Variants in PDE4D observed in about 807,000 individuals in gnomAD.
PDE4D encodes phosphodiesterase 4D, also known as 3',5'-cyclic-AMP phosphodiesterase 4D.
In PDE4D, 24 loss-of-function variants were observed where a neutral mutation model predicts 87.4. The ratio of observed to expected loss-of-function variants is 0.27; its 90% CI spans 0.20 to 0.39. The LOEUF is 0.39. Among genes scored for constraint, PDE4D ranks in the 10% least tolerant of loss-of-function variants. PDE4D has a pLI of 1.00. For missense variants in PDE4D, 714 were observed against 1,041.0 expected (o/e 0.69, Z 4.32); for synonymous variants, 384 against 383.2 (o/e 1.00, Z -0.02).
intron 1 of PDE4D, among the ~76,000 whole-genome samples, chr5:59,859,341 G>A (rs7728346): frequency 0.093 from 14,118 of 152,134 alleles, 2,025 homozygotes; most frequent in African/African-American, 0.31. Context: ...CAGTGTAGGT[G>A]TATAGAGGGT....
chr5:59,174,486 T>A (rs1783512313), intron 5 of PDE4D: 1 of 152,596 alleles, frequency 6.6e-6, no homozygotes, highest in South Asian at 2.1e-4. Flanking sequence ...TAGAAGAATT[T>A]GTATTTTCCA....
chr5:60,431,918 C>T (rs1001298885), intron 1 of PDE4D, among the ~76,000 whole-genome samples: 1 of 152,332 alleles, frequency 6.6e-6, no homozygotes, highest in African/African-American at 2.4e-5. Context: ...CAAAAAAATA[C>T]GAAAACCTGT....
intron 1 of PDE4D, among the ~76,000 whole-genome samples, chr5:59,517,176 T>G (rs1811316879): frequency 6.6e-6 from 1 of 152,186 alleles, no homozygotes; most frequent in South Asian, 2.1e-4. Flanking sequence ...TACAAGGTCA[T>G]CTCATTTTAA....
chr5:60,507,328 GC>G (rs1166493712), intron 1 of PDE4D, among the ~76,000 whole-genome samples: 1 of 152,174 alleles, frequency 6.6e-6, no homozygotes, highest in Non-Finnish European at 1.5e-5. Flanking sequence ...ACCTGCCTCA[GC>G]CTTCCAAAGT....
At chr5:60,175,611 C>A (rs772702933) in intron 2 of PDE4D, among the ~76,000 whole-genome samples, 6 of 152,134 alleles carry the variant, frequency 3.9e-5, no homozygotes, top group Non-Finnish European at 7.4e-5. Context: ...CCCCCTTTAG[C>A]TTTGGGTCTT....
chr5:59,192,605 T>TC (rs1744595161), intron 3 of PDE4D, among the ~76,000 whole-genome samples: 2 of 152,214 alleles, frequency 1.3e-5, no homozygotes, highest in East Asian at 3.8e-4. Context: ...ATGTATGATA[T>TC]AGGCCTGATT....
intron 5 of PDE4D, among the ~76,000 whole-genome samples, chr5:59,048,666 T>G (rs1047091427): frequency 1.3e-5 from 2 of 152,202 alleles, no homozygotes; most frequent in Non-Finnish European, 2.9e-5. Flanking sequence ...CAGGGGTACA[T>G]GTTTTCTATT....
At chr5:59,006,349 G>A (rs1751607365) in intron 6 of PDE4D, among the ~76,000 whole-genome samples, 1 of 152,202 alleles carries the variant, frequency 6.6e-6, no homozygotes, top group Non-Finnish European at 1.5e-5. Context: ...AGGATTGCTT[G>A]AGGCCAGGAG....
intron 1 of PDE4D, among the ~76,000 whole-genome samples, chr5:60,316,496 G>C (rs144645340): frequency 6.6e-6 from 1 of 152,050 alleles, no homozygotes; most frequent in Non-Finnish European, 1.5e-5. Flanking sequence ...CTGCCTGATT[G>C]TCCTGGCCAG....
chr5:58,998,900 ATTGT>A (rs1749831220), intron 6 of PDE4D, among the ~76,000 whole-genome samples: 2 of 152,320 alleles, frequency 1.3e-5, no homozygotes, highest in African/African-American at 2.4e-5. Flanking sequence ...ATCTTATTGA[ATTGT>A]TTATTAATTC....
chr5:60,099,197 A>G lies in PDE4D; in HGVS notation c.42+86360T>C, dbSNP rs148135398. Among the ~76,000 whole-genome samples the G allele has an allele frequency of 2.2e-3, 334 of 151,920 alleles. 1 individual carries two copies. Among genetic ancestry groups the G allele is most frequent in the Non-Finnish European group, 3.0e-3 (201 of 67,868 alleles). On this transcript the variant is annotated intron_variant, in intron 2 of 16. Coordinates refer to the PDE4D transcript ENST00000502484. ...GCCTTTGTGAGTACCCTTCCATGTGATGAGTAGTTTTTCTCTTGCTGCTTT... is the reference window on the plus strand; with the variant it reads ...GCCTTTGTGAGTACCCTTCCATGTGGTGAGTAGTTTTTCTCTTGCTGCTTT...
chr5:59,816,173 T>C (rs1429608188), intron 1 of PDE4D, among the ~76,000 whole-genome samples: 1 of 152,212 alleles, frequency 6.6e-6, no homozygotes, highest in African/African-American at 2.4e-5. Context: ...TTAGGCATTG[T>C]CTTAGGTACT....
chr5:59,707,703 C>A (rs1753641011), intron 1 of PDE4D, among the ~76,000 whole-genome samples: 1 of 152,030 alleles, frequency 6.6e-6, no homozygotes, highest in Non-Finnish European at 1.5e-5. Context: ...GTGTGTTGTT[C>A]CCCTCCCTGT....
intron 1 of PDE4D, among the ~76,000 whole-genome samples, chr5:59,567,160 T>C (rs1023002762): frequency 2.6e-5 from 4 of 152,216 alleles, no homozygotes; most frequent in Non-Finnish European, 4.4e-5. Context: ...AAATCTATTC[T>C]TCAGTGTGTT....
rs376023271 is a variant in PDE4D at position 59,538,768 on chromosome 5, C to T, written c.456-322800G>A. Among the ~76,000 whole-genome samples the T allele has an allele frequency of 2.6e-4, 39 of 152,254 alleles. No homozygotes were observed. The South Asian group carries it at 3.9e-3, about 15-fold the overall frequency. On this transcript the variant is annotated intron_variant, in intron 1 of 14. Transcript: ENST00000340635. The stretch of plus-strand genomic sequence containing the variant: ...TGGATAGCAAGGCCTGTTATTTTCT[C>T]TTCCTTGTATTATTCTCAGCTTCAT...
Position 58,974,809 on chromosome 5 carries a change from C to T in PDE4D, c.2285G>A (p.Cys762Tyr). The T allele has an allele frequency of 6.2e-7, 1 of 1,613,640 alleles. No individual in the cohort carries two copies. The highest frequency in any genetic ancestry group is 1.3e-5 in the African/African-American group (1 of 74,996). The change falls in exon 15 of 15, where the codon TGC (cysteine) becomes TAC (tyrosine). Residue 762 changes from cysteine (C) to tyrosine (Y), a missense_variant. This residue lies in a region of PDE4D where 90 missense variants were observed against 95.3 expected (regional missense o/e 0.94). Coordinates refer to ENST00000340635, the MANE Select transcript of PDE4D (RefSeq NM_001104631.2). ...SGSQVEEDTS[C>Y]SDSKTLCTQD... The stretch of plus-strand genomic sequence containing the variant: ...AGTACAAAGAGTCTTGGAGTCACTG[C>T]AGCTAGTGTCTTCTTCCACTTGACT...
intron 1 of PDE4D, among the ~76,000 whole-genome samples, chr5:59,824,653 A>G (rs1770107323): frequency 6.6e-6 from 1 of 152,242 alleles, no homozygotes; most frequent in Non-Finnish European, 1.5e-5. Flanking sequence ...GTACTTATTT[A>G]ATAATGTAAG....
At chr5:59,907,888 C>G (rs774598476) in intron 3 of PDE4D, among the ~76,000 whole-genome samples, 5 of 151,900 alleles carry the variant, frequency 3.3e-5, no homozygotes, top group Non-Finnish European at 7.4e-5. Context: ...TTGTTCTCAG[C>G]CTTCTTTTGC....
chr5:59,798,599 G>A (rs908138422), intron 1 of PDE4D, among the ~76,000 whole-genome samples: 9 of 152,120 alleles, frequency 5.9e-5, no homozygotes, highest in African/African-American at 2.2e-4. Context: ...AAAAACCCAA[G>A]CAAACCTAGC....
Sources: gnomAD v4.1 joint callset for allele counts (sites outside exome capture counted in the v4.1 genomes callset) on GRCh38, gnomAD v4.1.1 for gene constraint, gnomAD v4.1.1 regional missense constraint, MANE v1.5 for transcripts, NCBI Gene and HGNC (gene_info 2026-07-23, HGNC 2026-07-21) for gene names.